KALRN: variants seen among roughly 807,000 people sequenced by gnomAD.
The protein encoded by KALRN is kalirin RhoGEF kinase.
A neutral mutation model predicts 353.7 loss-of-function variants in KALRN; 70 were observed. That is an observed-to-expected ratio of 0.20 (90% CI 0.16 to 0.24). The LOEUF (loss-of-function observed/expected upper bound fraction) is 0.24. Ranked by LOEUF, KALRN falls within the 10% of genes least tolerant of loss-of-function variation. The pLI is 1.00. For missense variants in KALRN, 2,791 were observed against 3,756.7 expected (o/e 0.74, Z 6.72); for synonymous variants, 1,391 against 1,434.8 (o/e 0.97, Z 0.69).
chr3:124,490,936 T>C (rs767243243), intron 30 of KALRN, 52 bp downstream of exon 30: 3 of 1,518,448 alleles, frequency 2.0e-6, no homozygotes, highest in East Asian at 2.3e-5. Context: ...ATAGAACCCA[T>C]GGGCAGGAAG....
In KALRN at chr3:124,574,444, T is replaced by A. The variant is rs145619072; in HGVS notation, c.5182+11355T>A. ...TGGTGCCCACTGTAAATCTGTGACA[T>A]CTACATGATGATGATGCCCCTTATC... On this transcript the variant is annotated intron_variant, in intron 34 of 59. Transcript: ENST00000682506. Among the ~76,000 whole-genome samples, 10 of 152,314 alleles carry A rather than the reference T, an allele frequency of 6.6e-5. No homozygotes were observed. In the East Asian group the frequency reaches 1.7e-3, roughly 26 times the overall value.
chr3:124,596,872 AC>A (rs1485951537), intron 34 of KALRN, among the ~76,000 whole-genome samples: 1 of 152,120 alleles, frequency 6.6e-6, no homozygotes, highest in African/African-American at 2.4e-5. Flanking sequence ...ATATGGCGAA[AC>A]CCCATCTCTA....
At chr3:124,570,942 C>T (rs1006265233) in intron 34 of KALRN, among the ~76,000 whole-genome samples, 2 of 152,178 alleles carry the variant, frequency 1.3e-5, no homozygotes, top group African/African-American at 4.8e-5. Context: ...ATTACTTGAG[C>T]ACTTCTAGGG....
chr3:124,392,662 C>CAGT (rs2089593596), intron 11 of KALRN, among the ~76,000 whole-genome samples: 1 of 148,626 alleles, frequency 6.7e-6, no homozygotes, highest in Non-Finnish European at 1.5e-5. Flanking sequence ...TGGAGTGCAG[C>CAGT]GGTGCAATCT....
At chr3:124,691,244 C>G (rs953739325) in intron 51 of KALRN, among the ~76,000 whole-genome samples, 1 of 152,084 alleles carries the variant, frequency 6.6e-6, no homozygotes, top group Non-Finnish European at 1.5e-5. Flanking sequence ...GCCTGACCAA[C>G]GTGGCGAGAC....
intron 34 of KALRN, among the ~76,000 whole-genome samples, chr3:124,625,079 A>T (rs1170879017): frequency 2.0e-5 from 3 of 152,230 alleles, no homozygotes; most frequent in African/African-American, 7.2e-5. Flanking sequence ...TTTTTATTTA[A>T]CAAATGCTTC....
At chr3:124,447,385 G>T (rs1315337330) in intron 21 of KALRN, among the ~76,000 whole-genome samples, 2 of 152,146 alleles carry the variant, frequency 1.3e-5, no homozygotes, top group African/African-American at 2.4e-5. Flanking sequence ...GCTAGGCTAG[G>T]CTGGGTCTCT....
intron 1 of KALRN, among the ~76,000 whole-genome samples, chr3:124,200,913 CCTTT>C (rs1324845366): frequency 1.3e-5 from 2 of 152,198 alleles, no homozygotes; most frequent in African/African-American, 4.8e-5. Context: ...CTCTTTCCTT[CCTTT>C]ATTATCAAGG....
intron 33 of KALRN, among the ~76,000 whole-genome samples, chr3:124,538,853 C>CT (rs750964817): frequency 2.6e-5 from 4 of 152,144 alleles, no homozygotes; most frequent in Non-Finnish European, 5.9e-5. Context: ...GCTTTTCGAT[C>CT]TTTTTTTGAA....
chr3:124,678,151 G>C (rs2087403340), intron 49 of KALRN, 39 bp from the exon 50 acceptor site: 1 of 1,608,482 alleles, frequency 6.2e-7, no homozygotes, highest in Non-Finnish European at 8.5e-7. Flanking sequence ...CGCTGTCCCT[G>C]ACCTGCCATT....
intron 1 of KALRN, among the ~76,000 whole-genome samples, chr3:124,200,413 G>A (rs1296290860): frequency 6.6e-6 from 1 of 152,190 alleles, no homozygotes; most frequent in Non-Finnish European, 1.5e-5. Context: ...GCGAGGGCAT[G>A]TTCCTCATGA....
rs10673161 is a variant in KALRN at position 124,646,391 on chromosome 3, C to CTTTTTTTTT, written c.5665-4408_5665-4400dup. On this transcript the variant is annotated intron_variant, in intron 37 of 59. Transcript: ENST00000682506. Reference sequence around the variant, plus strand: ...GACTGCTAGAGGGATCTTTTGTTTACTTTTTTTTTTTTTTTTTGAGACAGA... The same window carrying CTTTTTTTTT: ...GACTGCTAGAGGGATCTTTTGTTTACTTTTTTTTTTTTTTTTTTTTTTTTTTGAGACAGA... Among the ~76,000 whole-genome samples, 50 of 110,454 alleles carry CTTTTTTTTT rather than the reference C, an allele frequency of 4.5e-4. 5 individuals are homozygous for CTTTTTTTTT. The highest frequency in any genetic ancestry group is 3.5e-4 in the East Asian group (1 of 2,876). 72.5% of individuals were successfully genotyped at this position (110,454 alleles called of 152,430 possible).
intron 15 of KALRN, among the ~76,000 whole-genome samples, chr3:124,426,323 A>T (rs532260773): frequency 3.9e-5 from 6 of 152,288 alleles, no homozygotes; most frequent in African/African-American, 1.4e-4. Flanking sequence ...GTAGCTTGAG[A>T]GTCTCTTTTG....
intron 1 of KALRN, among the ~76,000 whole-genome samples, chr3:124,073,633 A>G (rs2060124635): frequency 6.6e-6 from 1 of 152,192 alleles, no homozygotes; most frequent in South Asian, 2.1e-4. Flanking sequence ...GCTAATATCA[A>G]TGGATTTCTT....
chr3:124,135,906 T>C (rs2065868093), intron 1 of KALRN, among the ~76,000 whole-genome samples: 2 of 152,238 alleles, frequency 1.3e-5, no homozygotes, highest in Admixed American at 1.3e-4. Flanking sequence ...TTTTATGTAA[T>C]TCTCAATAGT....
intron 57 of KALRN, among the ~76,000 whole-genome samples, chr3:124,709,270 A>T (rs906700447): frequency 1.2e-4 from 18 of 152,094 alleles, no homozygotes; most frequent in African/African-American, 4.3e-4. Flanking sequence ...CTTTTTTAAA[A>T]TTTTATTTTT....
Position 124,347,259 on chromosome 3 carries a change from G to A in KALRN, c.1764G>A (p.Val588=). 6.3e-7 allele frequency: 1 copy of A among 1,597,846 alleles called. No individual in the cohort carries two copies. The highest frequency in any genetic ancestry group is 1.1e-5 in the South Asian group (1 of 90,578). ...LQKRHDDFEE[V]AQNTYTNADK... is the part of the protein sequence containing the mutation. ...AGAGGCATGATGACTTTGAAGAGGTGGCTCAGGTGAGAAGCTGTGTGTGTG... is the reference window on the plus strand; with the variant it reads ...AGAGGCATGATGACTTTGAAGAGGTAGCTCAGGTGAGAAGCTGTGTGTGTG... Residue 588 remains valine (V), a synonymous_variant, in exon 10 of 60, where the codon GTG becomes GTA. Transcript: ENST00000682506.
chr3:124,596,011 G>GC (rs1232078620), intron 34 of KALRN, among the ~76,000 whole-genome samples: 1 of 152,160 alleles, frequency 6.6e-6, no homozygotes, highest in Non-Finnish European at 1.5e-5. Context: ...GTAACTCTGT[G>GC]CAAGATACAT....
At chr3:124,172,686 G>A (rs560083054) in intron 1 of KALRN, among the ~76,000 whole-genome samples, 1 of 152,176 alleles carries the variant, frequency 6.6e-6, no homozygotes, top group East Asian at 1.9e-4. Context: ...TCCTGGGCCT[G>A]TGTAGGTGCA....
Sources: allele counts gnomAD v4.1 joint callset (sites outside exome capture counted in the v4.1 genomes callset), GRCh38; gene constraint gnomAD v4.1.1; transcripts MANE v1.5; gene names NCBI Gene and HGNC (gene_info 2026-07-23, HGNC 2026-07-21).